The following PRKN variants were observed in gnomAD, a reference collection of about 807,000 sequenced individuals.
PRKN encodes parkin RBR E3 ubiquitin protein ligase, also known as E3 ubiquitin-protein ligase parkin.
PRKN carries 56 observed loss-of-function variants against 59.5 expected under a neutral mutation model. That is an observed-to-expected ratio of 0.94 (90% CI 0.76 to 1.18). The LOEUF is 1.18. PRKN is among the 50% of genes most tolerant of loss of function. The probability of loss-of-function intolerance (pLI) is 0.00; values close to 1 mark genes in which losing one functional copy is unlikely to be tolerated. For missense variants in PRKN, 657 were observed against 596.4 expected, an observed-to-expected ratio of 1.10 and a Z score of -1.06; for synonymous variants, 250 against 222.1, an observed-to-expected ratio of 1.13 and a Z score of -1.12.
chr6:162,214,115 AAC>A (rs1349508478), intron 3 of PRKN, among the ~76,000 whole-genome samples: 3 of 152,214 alleles, frequency 2.0e-5, no homozygotes, highest in African/African-American at 7.2e-5. Context: ...TACACACACG[AAC>A]ACCAAGGTGC....
At chr6:162,644,408 A>G (rs1241093531) in intron 1 of PRKN, among the ~76,000 whole-genome samples, 1 of 152,204 alleles carries the variant, frequency 6.6e-6, no homozygotes, top group East Asian at 1.9e-4. Context: ...TATACTCAGT[A>G]TCTAAAGATA....
At chr6:161,542,092 T>C (rs1779635816) in intron 9 of PRKN, among the ~76,000 whole-genome samples, 1 of 152,194 alleles carries the variant, frequency 6.6e-6, no homozygotes, top group Admixed American at 6.5e-5. Flanking sequence ...TGAAGGCCTT[T>C]ATGGCGATCT....
chr6:162,601,678 CAGTACATTTTTATATATGAGG>C (rs1354333311), intron 1 of PRKN, among the ~76,000 whole-genome samples: 35 of 152,092 alleles, frequency 2.3e-4, no homozygotes, highest in South Asian at 4.2e-4. Context: ...CATATATGAG[CAGTACATTTTTATATATGAGG>C]AGTACATTTT....
intron 2 of PRKN, among the ~76,000 whole-genome samples, chr6:162,420,716 A>G (rs1418789144): frequency 1.3e-5 from 2 of 152,106 alleles, no homozygotes; most frequent in Admixed American, 6.6e-5. Context: ...TGTAGCTATG[A>G]CTCTGTAGCT....
intron 6 of PRKN, among the ~76,000 whole-genome samples, chr6:161,803,753 A>C (rs1220257227): frequency 6.6e-6 from 1 of 152,200 alleles, no homozygotes; most frequent in Non-Finnish European, 1.5e-5. Flanking sequence ...TATCACAAGA[A>C]GGGAAGCTGC....
intron 5 of PRKN, among the ~76,000 whole-genome samples, chr6:162,008,688 A>G (rs958031316): frequency 2.6e-5 from 4 of 152,344 alleles, no homozygotes; most frequent in African/African-American, 4.8e-5. Context: ...AAAAGGAAAT[A>G]GACCATGAGA....
At chr6:162,303,698 T>C (rs967805622) in intron 2 of PRKN, among the ~76,000 whole-genome samples, 1 of 152,220 alleles carries the variant, frequency 6.6e-6, no homozygotes. Flanking sequence ...AAGATGTCTG[T>C]AAACCACAGG....
intron 4 of PRKN, among the ~76,000 whole-genome samples, chr6:162,062,361 T>G: frequency 6.6e-6 from 1 of 152,156 alleles, no homozygotes; most frequent in East Asian, 1.9e-4. Flanking sequence ...CAGAGGTCGC[T>G]TGGGGCTGGG....
chr6:162,656,386 C>G (rs1328953760), intron 1 of PRKN, among the ~76,000 whole-genome samples: 1 of 152,202 alleles, frequency 6.6e-6, no homozygotes, highest in East Asian at 1.9e-4. Context: ...TGGAAGTTAT[C>G]TGACATTTTA....
intron 7 of PRKN, among the ~76,000 whole-genome samples, chr6:161,780,338 A>G (rs3016559): frequency 0.9 from 136,725 of 152,186 alleles, 62,107 homozygotes; most frequent in South Asian, 0.96. Context: ...AAAAAATATG[A>G]AAAGAATTGA....
chr6:162,266,179 T>G (rs2128101419), intron 2 of PRKN, among the ~76,000 whole-genome samples: 1 of 152,270 alleles, frequency 6.6e-6, no homozygotes, highest in South Asian at 2.1e-4. Flanking sequence ...ACTCAGTTAC[T>G]TCCTGTGATC....
intron 7 of PRKN, among the ~76,000 whole-genome samples, chr6:161,666,014 G>A (rs973700962): frequency 6.6e-6 from 1 of 152,198 alleles, no homozygotes; most frequent in Non-Finnish European, 1.5e-5. Context: ...TGAGAAGACT[G>A]CATCGCCTGG....
chr6:162,453,255 T>A (rs1360102937), intron 1 of PRKN, among the ~76,000 whole-genome samples: 4 of 152,196 alleles, frequency 2.6e-5, no homozygotes, highest in Non-Finnish European at 5.9e-5. Context: ...ACATCGCGCA[T>A]AGCCTCAAGG....
rs78449046 is a variant in PRKN, at chr6:161,395,332, A to G, written c.1084-8455T>C. 3.1e-3 allele frequency among the ~76,000 whole-genome samples: 471 copies of G among 152,296 alleles called. No homozygotes were observed. The highest frequency in any genetic ancestry group is 5.4e-3 in the Non-Finnish European group (364 of 68,026). On this transcript the variant is annotated intron_variant, in intron 9 of 11. Coordinates refer to ENST00000366898, the MANE Select transcript of PRKN (RefSeq NM_004562.3). The surrounding 1 kb of genome is among the most constrained non-coding windows in gnomAD (Gnocchi z 5.0). The stretch of plus-strand genomic sequence containing the variant: ...TCCATTCTTCCTGAACAGCCACACA[A>G]TATTCCAGTGGATAGATGTGCCTTC...
intron 1 of PRKN, among the ~76,000 whole-genome samples, chr6:162,632,497 G>A (rs984459246): frequency 1.3e-5 from 2 of 152,274 alleles, no homozygotes; most frequent in Admixed American, 1.3e-4. Context: ...GGGACTATGA[G>A]AAGGAGGAGG....
chr6:162,293,795 GAGAC>G (rs370494704), intron 2 of PRKN, among the ~76,000 whole-genome samples: 109 of 152,316 alleles, frequency 7.2e-4, no homozygotes, highest in African/African-American at 2.6e-3. Context: ...GAAAGAGAGA[GAGAC>G]AGAGGAAGAA....
intron 3 of PRKN, among the ~76,000 whole-genome samples, chr6:162,244,119 T>C (rs992429964): frequency 2.0e-5 from 3 of 152,164 alleles, no homozygotes; most frequent in Admixed American, 2.0e-4. Context: ...ACTGCATTGC[T>C]AGATTTGTCA....
intron 4 of PRKN, among the ~76,000 whole-genome samples, chr6:162,092,440 G>A (rs991425221): frequency 2.0e-5 from 3 of 152,128 alleles, no homozygotes; most frequent in African/African-American, 7.2e-5. Context: ...ATTTATAGTC[G>A]GTGATTATTA....
At chr6:161,885,504 A>C (rs891290775) in intron 6 of PRKN, among the ~76,000 whole-genome samples, 1 of 152,022 alleles carries the variant, frequency 6.6e-6, no homozygotes, top group Non-Finnish European at 1.5e-5. Flanking sequence ...CTCTACTAAA[A>C]ATACAAAAAA....
Sources: gnomAD v4.1 joint callset for allele counts (sites outside exome capture counted in the v4.1 genomes callset) on GRCh38, gnomAD v4.1.1 for gene constraint, Gnocchi (gnomAD v3.1) non-coding constraint, MANE v1.5 for transcripts, NCBI Gene and HGNC (gene_info 2026-07-23, HGNC 2026-07-21) for gene names.